RASGRP1: variants seen among roughly 807,000 people sequenced by gnomAD.
RASGRP1 encodes the protein RAS guanyl releasing protein 1, also known as RAS guanyl-releasing protein 1.
RASGRP1 carries 37 observed loss-of-function variants against 95.1 expected under a neutral mutation model. The ratio of observed to expected loss-of-function variants is 0.39; its 90% CI spans 0.30 to 0.51. The LOEUF (loss-of-function observed/expected upper bound fraction) is 0.51, where lower values mean the gene tolerates loss of function less well. RASGRP1 is among the 20% of genes least tolerant of loss of function. The pLI is 0.80. For missense variants in RASGRP1, 711 were observed against 965.4 expected (o/e 0.74, Z 3.49); for synonymous variants, 325 against 353.4 (o/e 0.92, Z 0.90).
Position 38,511,626 on chromosome 15 carries a change from T to C in RASGRP1, c.944A>G (p.His315Arg), listed in dbSNP as rs373200131. Residue 315 changes from histidine (H) to arginine (R), a missense_variant, in exon 8 of 17, where the codon CAT becomes CGT. Transcript: ENST00000310803. The part of the protein sequence containing the change: ...SISRLKETSS[H>R]VPHEINKVLG... ...GACCTTATTGATTTCATGTGGGACA[T>C]GCGAACTTGTCTCCTTGAGCCTCGA... The C allele has an allele frequency of 3.5e-5, 56 of 1,613,332 alleles. No individual in the cohort carries two copies. The highest frequency in any genetic ancestry group is 4.5e-5 in the Non-Finnish European group (53 of 1,179,500).
At chr15:38,504,119 A>G (rs1435782607) in intron 10 of RASGRP1, 3 of 152,222 alleles carry the variant, frequency 2.0e-5, no homozygotes, top group Non-Finnish European at 4.4e-5. Flanking sequence ...ACACCTGTAT[A>G]GGGCACTTAA....
At chr15:38,536,937 G>A (rs1470226052) in intron 2 of RASGRP1, among the ~76,000 whole-genome samples, 6 of 152,204 alleles carry the variant, frequency 3.9e-5, no homozygotes, top group African/African-American at 1.4e-4. Context: ...ATTAGATGAT[G>A]TTTGATTAAA....
At chr15:38,533,742 G>A (rs1892533972) in intron 2 of RASGRP1, among the ~76,000 whole-genome samples, 1 of 152,196 alleles carries the variant, frequency 6.6e-6, no homozygotes, top group Non-Finnish European at 1.5e-5. Flanking sequence ...TAAGGATTAA[G>A]TCCTGCTTTT....
intron 15 of RASGRP1, among the ~76,000 whole-genome samples, chr15:38,496,902 A>C (rs1890814252): frequency 6.6e-6 from 1 of 152,248 alleles, no homozygotes; most frequent in South Asian, 2.1e-4. Context: ...TAAATGCAGA[A>C]TGTATACTAT....
intron 15 of RASGRP1, among the ~76,000 whole-genome samples, chr15:38,497,570 G>A (rs1283609675): frequency 6.6e-6 from 1 of 152,122 alleles, no homozygotes; most frequent in African/African-American, 2.4e-5. Flanking sequence ...CCCCAGTACA[G>A]CGATCTCTCT....
At position 38,547,532 on chromosome 15, in the gene RASGRP1, A is replaced by C. The variant is rs1472587754; in HGVS notation, c.220+12289T>G. On this transcript the variant is annotated intron_variant, in intron 2 of 16. Transcript: ENST00000310803. ...CAAGAGCTGCCTTCCCTACTCCCCTACCAGTTTTTCCTAGGACCACCTTCC... is the reference window on the plus strand; with the variant it reads ...CAAGAGCTGCCTTCCCTACTCCCCTCCCAGTTTTTCCTAGGACCACCTTCC... Among the ~76,000 whole-genome samples the C allele has an allele frequency of 2.0e-5, 3 of 152,160 alleles. No homozygotes were observed. In the East Asian group the frequency reaches 5.8e-4, roughly 29 times the overall value.
intron 5 of RASGRP1, among the ~76,000 whole-genome samples, chr15:38,517,705 C>A (rs1891842252): frequency 6.6e-6 from 1 of 152,128 alleles, no homozygotes; most frequent in South Asian, 2.1e-4. Flanking sequence ...ATAAAGCAGC[C>A]ACACTGTGAA....
chr15:38,520,001 C>A (rs1349939822), intron 3 of RASGRP1, among the ~76,000 whole-genome samples: 3 of 152,110 alleles, frequency 2.0e-5, no homozygotes, highest in Non-Finnish European at 4.4e-5. Flanking sequence ...CTGGAGGTCA[C>A]CTTAAGGATC....
Position 38,490,627 on chromosome 15 carries a change from T to C in RASGRP1, c.2321A>G (p.Lys774Arg), listed in dbSNP as rs758700161. The C allele has an allele frequency of 3.7e-6, 6 of 1,613,488 alleles. No individual in the cohort carries two copies. The highest frequency in any genetic ancestry group is 5.1e-6 in the Non-Finnish European group (6 of 1,179,532). ...ALKIQLKYAQ[K>R]KIESLQLEKS... is the part of the protein sequence containing the mutation. ...TTCAAGCTGGAGGGATTCTATTTTC[T>C]TCTGTGCATATTTCAGTTGGATCTT... Residue 774 changes from lysine to arginine, a missense_variant, in exon 17 of 17, where the codon AAG becomes AGG. Physicochemically the swap from Lys to Arg is conservative, Grantham distance 26. This residue lies in a region of RASGRP1 where 212 missense variants were observed against 247.8 expected (regional missense o/e 0.86). Transcript: ENST00000310803.
At chr15:38,503,202 C>A in intron 11 of RASGRP1, 70 bp downstream of exon 11, 1 of 1,262,374 alleles carries the variant, frequency 7.9e-7, no homozygotes, top group Non-Finnish European at 1.1e-6. Context: ...CTTTCCTCTC[C>A]CTTTACCCCA....
intron 2 of RASGRP1, among the ~76,000 whole-genome samples, chr15:38,544,356 T>A (rs1197912303): frequency 1.3e-5 from 2 of 152,194 alleles, no homozygotes; most frequent in African/African-American, 4.8e-5. Flanking sequence ...ATGCCAGCCA[T>A]CCCAGAATCC....
chr15:38,559,702 G>T, intron 2 of RASGRP1, 119 bp downstream of exon 2: 1 of 1,079,432 alleles, frequency 9.3e-7, no homozygotes, highest in East Asian at 2.6e-5. Flanking sequence ...CATTTCAAAG[G>T]CTCAAAAGCT....
chr15:38,549,805 C>A (rs1893255446), intron 2 of RASGRP1, among the ~76,000 whole-genome samples: 1 of 151,868 alleles, frequency 6.6e-6, no homozygotes, highest in Admixed American at 6.6e-5. Context: ...CTCTCCAGGG[C>A]CCTTGACTAC....
chr15:38,560,298 C>G, intron 1 of RASGRP1: 1 of 428,808 alleles, frequency 2.3e-6, no homozygotes, highest in African/African-American at 2.0e-5. Flanking sequence ...GCAAGACTAT[C>G]TTGGCAGTCC....
chr15:38,519,516 T>C (rs1034992132), intron 3 of RASGRP1, 145 bp from the exon 4 acceptor site: 1 of 667,886 alleles, frequency 1.5e-6, no homozygotes, highest in African/African-American at 1.8e-5. Context: ...GGCCAAAGGA[T>C]AAAAACCAAC....
At chr15:38,551,614 T>G (rs1893341480) in intron 2 of RASGRP1, among the ~76,000 whole-genome samples, 2 of 152,106 alleles carry the variant, frequency 1.3e-5, no homozygotes. Flanking sequence ...GGTTTAGAAT[T>G]TTAAAAAGCT....
At chr15:38,548,136 C>A (rs1349692517) in intron 2 of RASGRP1, among the ~76,000 whole-genome samples, 1 of 152,106 alleles carries the variant, frequency 6.6e-6, no homozygotes, top group Non-Finnish European at 1.5e-5. Flanking sequence ...TTTCCTCTCC[C>A]TTCTTTAAAA....
intron 2 of RASGRP1, among the ~76,000 whole-genome samples, chr15:38,553,934 G>C (rs1203271154): frequency 1.3e-5 from 2 of 152,084 alleles, no homozygotes; most frequent in Non-Finnish European, 2.9e-5. Context: ...GTGCCCTTCA[G>C]GTTTTCCTAG....
At chr15:38,563,930 G>A (rs1893915747) in intron 1 of RASGRP1, among the ~76,000 whole-genome samples, 1 of 152,178 alleles carries the variant, frequency 6.6e-6, no homozygotes, top group African/African-American at 2.4e-5. Context: ...GCCTAGTTCT[G>A]GTCCTTTGGC....
Sources: gnomAD v4.1 joint callset for allele counts (sites outside exome capture counted in the v4.1 genomes callset) on GRCh38, gnomAD v4.1.1 for gene constraint, gnomAD v4.1.1 regional missense constraint, MANE v1.5 for transcripts, NCBI Gene and HGNC (gene_info 2026-07-23, HGNC 2026-07-21) for gene names.